The following KCNJ6 variants were observed in gnomAD, a reference collection of about 807,000 sequenced individuals.
KCNJ6 encodes the protein potassium inwardly rectifying channel subfamily J member 6.
A neutral mutation model predicts 34.2 loss-of-function variants in KCNJ6; 9 were observed. That is an observed-to-expected ratio of 0.26 (90% CI 0.16 to 0.46). KCNJ6 has a LOEUF of 0.46. Ranked by LOEUF, KCNJ6 falls within the 20% of genes least tolerant of loss-of-function variation. The pLI is 1.00. For synonymous variants in KCNJ6, 196 were observed against 207.1 expected (o/e 0.95, Z 0.46); for missense variants, 236 against 531.3 (o/e 0.44, Z 5.46).
At chr21:37,712,156 C>G (rs914733164) in intron 3 of KCNJ6, among the ~76,000 whole-genome samples, 6 of 152,156 alleles carry the variant, frequency 3.9e-5, no homozygotes, top group Non-Finnish European at 8.8e-5. Context: ...AAGCTTAACT[C>G]CCACAATTTA....
At chr21:37,687,813 G>C (rs1353807876) in intron 3 of KCNJ6, among the ~76,000 whole-genome samples, 3 of 152,120 alleles carry the variant, frequency 2.0e-5, no homozygotes, top group South Asian at 4.1e-4. Context: ...TGGACTGCAC[G>C]GGCATTGTGG....
intron 3 of KCNJ6, among the ~76,000 whole-genome samples, chr21:37,688,238 A>C (rs1470304105): frequency 1.3e-5 from 2 of 152,218 alleles, no homozygotes; most frequent in Non-Finnish European, 2.9e-5. Context: ...CCTAAAAAAG[A>C]AGCATTACCT....
intron 3 of KCNJ6, among the ~76,000 whole-genome samples, chr21:37,648,795 GT>G (rs919753875): frequency 1.3e-5 from 2 of 151,932 alleles, no homozygotes; most frequent in Non-Finnish European, 2.9e-5. Flanking sequence ...GGTTTTTAAA[GT>G]TTTTTTTAAA....
chr21:37,800,861 G>A (rs996130963), intron 2 of KCNJ6, among the ~76,000 whole-genome samples: 8 of 152,218 alleles, frequency 5.3e-5, no homozygotes, highest in Non-Finnish European at 1.5e-5. Flanking sequence ...TCTGTCACAA[G>A]ATTGCACATC....
chr21:37,718,204 G>A (rs2054804386), intron 2 of KCNJ6, among the ~76,000 whole-genome samples: 2 of 152,196 alleles, frequency 1.3e-5, no homozygotes, highest in Non-Finnish European at 2.9e-5. Context: ...TGCCCCTTCT[G>A]TGGGGGACAA....
rs147171853 is a variant in KCNJ6 at position 37,723,539 on chromosome 21, G to A, written c.26-8408C>T. ...TCAACCTAGGTGCCCATCATTGGTG[G>A]ACTGGTTAAAGAAAATGTGGTACAA... On this transcript the variant is annotated intron_variant, in intron 2 of 3. Coordinates refer to ENST00000609713, the MANE Select transcript of KCNJ6 (RefSeq NM_002240.5). Among the ~76,000 whole-genome samples the A allele has an allele frequency of 1.2e-4, 19 of 152,304 alleles. No homozygotes were observed. The East Asian group carries it at 3.7e-3, about 29-fold the overall frequency.
intron 2 of KCNJ6, among the ~76,000 whole-genome samples, chr21:37,837,889 A>C (rs1296131942): frequency 6.6e-6 from 1 of 152,138 alleles, no homozygotes; most frequent in Non-Finnish European, 1.5e-5. Context: ...ATTAGTCATG[A>C]GTTTAATTTA....
intron 2 of KCNJ6, among the ~76,000 whole-genome samples, chr21:37,757,462 T>G (rs1356531673): frequency 2.0e-5 from 3 of 149,158 alleles, no homozygotes; most frequent in Admixed American, 6.6e-5. Flanking sequence ...CAGCCCGGAG[T>G]GAGCTCTCCC....
At chr21:37,682,353 C>T (rs1385591960) in intron 3 of KCNJ6, among the ~76,000 whole-genome samples, 1 of 152,288 alleles carries the variant, frequency 6.6e-6, no homozygotes, top group East Asian at 1.9e-4. Flanking sequence ...GACTGCCCAG[C>T]CGAGCCAGCA....
chr21:37,723,376 A>G (rs1253008356), intron 2 of KCNJ6, among the ~76,000 whole-genome samples: 1 of 152,222 alleles, frequency 6.6e-6, no homozygotes, highest in African/African-American at 2.4e-5. Flanking sequence ...AGATTTCTCA[A>G]AGAACTCAGA....
chr21:37,881,909 G>A (rs1259923878), intron 1 of KCNJ6, among the ~76,000 whole-genome samples: 1 of 152,172 alleles, frequency 6.6e-6, no homozygotes, highest in Admixed American at 6.5e-5. Flanking sequence ...ACAGTAAATA[G>A]GGCAGTGCTA....
At chr21:37,889,732 G>A (rs1194465621) in intron 1 of KCNJ6, among the ~76,000 whole-genome samples, 1 of 152,140 alleles carries the variant, frequency 6.6e-6, no homozygotes, top group Non-Finnish European at 1.5e-5. Flanking sequence ...TCCTTGATGT[G>A]TCTACAGACC....
intron 2 of KCNJ6, among the ~76,000 whole-genome samples, chr21:37,821,949 T>C (rs1324145882): frequency 6.6e-6 from 1 of 152,242 alleles, no homozygotes; most frequent in Non-Finnish European, 1.5e-5. Flanking sequence ...GCATTAGTCA[T>C]GACCAGCCAG....
At position 37,620,058 on chromosome 21, in the gene KCNJ6, A is replaced by G. The variant is rs2054285474; in HGVS notation, c.*5101T>C. On this transcript the variant is annotated 3_prime_UTR_variant, in exon 4 of 4. Transcript: ENST00000609713. ...AAAAAAAAGAGTTATGTTATTTTGA[A>G]CAGACTTATGAGTGACTTCAATAAT... The G allele has an allele frequency of 6.6e-6, 1 of 152,198 alleles. No homozygotes were observed. Among genetic ancestry groups the G allele is most frequent in the South Asian group, 2.1e-4 (1 of 4,828 alleles). 9.4% of individuals were successfully genotyped at this position (152,198 alleles called of 1,614,324 possible).
At chr21:37,826,695 C>G (rs2055400691) in intron 2 of KCNJ6, among the ~76,000 whole-genome samples, 1 of 152,004 alleles carries the variant, frequency 6.6e-6, no homozygotes. Flanking sequence ...TCGATTTACT[C>G]AAAGAAAGAT....
intron 1 of KCNJ6, among the ~76,000 whole-genome samples, chr21:37,852,719 A>G (rs981764348): frequency 6.6e-6 from 1 of 152,228 alleles, no homozygotes; most frequent in East Asian, 1.9e-4. Flanking sequence ...GACAAATATC[A>G]ACACTGATAT....
intron 3 of KCNJ6, among the ~76,000 whole-genome samples, chr21:37,641,672 C>T (rs979230948): frequency 6.8e-6 from 1 of 148,002 alleles, no homozygotes; most frequent in African/African-American, 2.5e-5. Flanking sequence ...CTTGGGTGTT[C>T]AAGAAGCTGA....
chr21:37,794,732 T>TG (rs950589722), intron 2 of KCNJ6, among the ~76,000 whole-genome samples: 4 of 150,756 alleles, frequency 2.7e-5, no homozygotes, highest in African/African-American at 9.8e-5. Flanking sequence ...TGTCGGGAGT[T>TG]GGGGGGCAAG....
intron 3 of KCNJ6, among the ~76,000 whole-genome samples, chr21:37,710,179 T>C (rs857949): frequency 0.98 from 148,870 of 152,290 alleles, 72,796 homozygotes; most frequent in East Asian, 1. Flanking sequence ...ATTGTAAATA[T>C]AAAAAACAGT....
Sources: allele counts gnomAD v4.1 joint callset (sites outside exome capture counted in the v4.1 genomes callset), GRCh38; gene constraint gnomAD v4.1.1; transcripts MANE v1.5; gene names NCBI Gene and HGNC (gene_info 2026-07-23, HGNC 2026-07-21).